The following CFAP52 variants were observed in gnomAD, a reference collection of about 807,000 sequenced individuals.
CFAP52 encodes the protein cilia and flagella associated protein 52.
In CFAP52, 57 loss-of-function variants were observed where a neutral mutation model predicts 70.5. The ratio of observed to expected loss-of-function variants is 0.81; its 90% CI spans 0.65 to 1.01. The LOEUF (loss-of-function observed/expected upper bound fraction) is 1.01, where lower values mean the gene tolerates loss of function less well. CFAP52 is among the 50% of genes least tolerant of loss of function. The pLI, the probability that CFAP52 is intolerant of heterozygous loss-of-function variation, is 0.00. For missense variants in CFAP52, 785 were observed against 788.5 expected, an observed-to-expected ratio of 1.00 and a Z score of 0.05; for synonymous variants, 267 against 292.5, an observed-to-expected ratio of 0.91 and a Z score of 0.89.
In CFAP52 at chr17:9,610,621, G is replaced by A. The variant is rs111592407; in HGVS notation, c.855-1688G>A. Among the ~76,000 whole-genome samples, 859 of 151,750 alleles carry A rather than the reference G, an allele frequency of 5.7e-3. 10 individuals carry two copies. The highest frequency in any genetic ancestry group is 0.019 in the African/African-American group (778 of 41,352). ...GCCATCTTGGCTCACTGCAACCTCC[G>A]CCTCCCGGGTTCAAGAGATTCTCCT... On this transcript the variant is annotated intron_variant, in intron 7 of 13. Transcript: ENST00000352665.
intron 6 of CFAP52, among the ~76,000 whole-genome samples, chr17:9,601,426 A>G (rs183348498): frequency 1.3e-5 from 2 of 152,136 alleles, no homozygotes; most frequent in Admixed American, 1.3e-4. Context: ...ATAAAATTTT[A>G]AAAAAAGTAC....
intron 3 of CFAP52, among the ~76,000 whole-genome samples, chr17:9,592,191 G>A (rs1228463957): frequency 6.6e-6 from 1 of 152,094 alleles, no homozygotes; most frequent in East Asian, 1.9e-4. Context: ...AGCCAGGCAC[G>A]GTGGCTCACG....
At chr17:9,585,387 G>T (rs1288914249) in intron 1 of CFAP52, among the ~76,000 whole-genome samples, 1 of 152,078 alleles carries the variant, frequency 6.6e-6, no homozygotes, top group Admixed American at 6.5e-5. Flanking sequence ...TTAAAGTGTT[G>T]GCCGGGCGCG....
In CFAP52 at chr17:9,641,794, A is replaced by G; in HGVS notation, c.1646A>G (p.Asn549Ser). The G allele has an allele frequency of 6.2e-7, 1 of 1,613,990 alleles. No individual in the cohort carries two copies. ...ELEGSLSGSI[N>S]GMDITQEGVH... is the part of the protein sequence containing the mutation. ...GAAGGTTCCCTGTCTGGGTCGATAA[A>G]TGGCATGGATATCACACAGGAAGGG... Residue 549 changes from asparagine to serine, a missense_variant, in exon 13 of 14, where the codon AAT (asparagine) becomes AGT (serine). Transcript: ENST00000352665.
chr17:9,636,864 G>A (rs1910827477), intron 11 of CFAP52, among the ~76,000 whole-genome samples: 1 of 152,108 alleles, frequency 6.6e-6, no homozygotes, highest in African/African-American at 2.4e-5. Context: ...GACCAACATG[G>A]TGAAAGCCCG....
At position 9,596,087 on chromosome 17, in the gene CFAP52, A is replaced by G. The variant is rs1310708606; in HGVS notation, c.536+1766A>G. ...TATATATATATATATATATATATAT[A>G]TATATATATATATATGTACACATAT... On this transcript the variant is annotated intron_variant, in intron 4 of 13. Transcript: ENST00000352665. Among the ~76,000 whole-genome samples the G allele has an allele frequency of 6.7e-4, 94 of 139,610 alleles. 1 individual carries two copies. The highest frequency in any genetic ancestry group is 1.8e-3 in the Admixed American group (25 of 13,610). The allele number at this position is 139,610 out of a possible 152,430, so 91.6% of individuals were successfully genotyped here. A position where few individuals can be genotyped will look rare whatever the true frequency, so the allele number is the denominator to read the frequency against.
rs1911166296 is a variant in CFAP52, at chr17:9,643,202, TGATGA to T, written c.*9_*13del. 1.3e-6 allele frequency: 2 copies of T among 1,599,114 alleles called. No individual in the cohort carries two copies. Among genetic ancestry groups the T allele is most frequent in the South Asian group, 2.3e-5 (2 of 87,924 alleles). The stretch of plus-strand genomic sequence containing the variant: ...GAAGTACCCATATACCTCCTGAAGC[TGATGA>T]GATGTCTCTGAGCCTTGGCGTTGCA... On this transcript the variant is annotated 3_prime_UTR_variant, in exon 14 of 14. Transcript: ENST00000352665.
chr17:9,590,191 C>A, intron 3 of CFAP52: 1 of 179,898 alleles, frequency 5.6e-6, no homozygotes, highest in East Asian at 1.4e-4. Flanking sequence ...GCGCAGAATC[C>A]TCATTCTCCT....
chr17:9,585,996 T>A, intron 2 of CFAP52, 24 bp downstream of exon 2: 1 of 1,611,722 alleles, frequency 6.2e-7, no homozygotes. Context: ...AAACGACTCA[T>A]TGTCAATTTA....
Position 9,632,908 on chromosome 17 carries a change from C to G in CFAP52, c.1195C>G (p.Arg399Gly), listed in dbSNP as rs374035006. ...GCCAGCATGGAACGACGGTAAAATC[C>G]GAGCCTTCGCCCCAGAGACAGGCCG... ...IISAWNDGKIRAFAPETGRLM... is the reference protein window; with the variant it reads ...IISAWNDGKIGAFAPETGRLM... Residue 399 changes from arginine to glycine, a missense_variant, in exon 10 of 14, where the codon CGA becomes GGA. By Grantham distance (125) the Arg-to-Gly change is moderately radical. Coordinates refer to ENST00000352665, the MANE Select transcript of CFAP52 (RefSeq NM_145054.5). 1 of 1,614,056 alleles carries G rather than the reference C, an allele frequency of 6.2e-7. No individual in the cohort carries two copies.
In CFAP52 at chr17:9,642,758, T is replaced by C. The variant is rs75736950; in HGVS notation, c.1688-265T>C. 6.7e-3 allele frequency among the ~76,000 whole-genome samples: 1,026 copies of C among 152,352 alleles called. 10 individuals are homozygous for C. Among genetic ancestry groups the C allele is most frequent in the African/African-American group, 0.023 (972 of 41,574 alleles). On this transcript the variant is annotated intron_variant, in intron 13 of 13. Transcript: ENST00000352665. ...TGATGTATATGTATACCAGTATACT[T>C]ATAGAGAAAAGACTGGAAGGAACTA...
chr17:9,635,424 G>C lies in CFAP52; in HGVS notation c.1340G>C (p.Gly447Ala). 6.2e-7 allele frequency: 1 copy of C among 1,614,132 alleles called. No homozygotes were observed. Among genetic ancestry groups the C allele is most frequent in the Non-Finnish European group, 8.5e-7 (1 of 1,180,038 alleles). Residue 447 changes from glycine (G) to alanine (A), a missense_variant, in exon 11 of 14, where the codon GGC (glycine) becomes GCC (alanine). Coordinates refer to ENST00000352665, the MANE Select transcript of CFAP52 (RefSeq NM_145054.5). ...GEGEVRVWQI[G>A]CQTQKLEEAL... is the part of the protein sequence containing the mutation. Reference sequence around the variant, plus strand: ...TTTCAGGTGAGGGTATGGCAGATAGGCTGTCAGACCCAGAAGCTGGAGGAG... The same window carrying C: ...TTTCAGGTGAGGGTATGGCAGATAGCCTGTCAGACCCAGAAGCTGGAGGAG...
At chr17:9,597,674 G>GACTA (rs1217741289) in intron 4 of CFAP52, 4 of 152,416 alleles carry the variant, frequency 2.6e-5, no homozygotes, top group African/African-American at 9.7e-5. Context: ...GTGGTGGCGG[G>GACTA]CACCTGTAGT....
At chr17:9,641,279 G>A (rs1360830711) in intron 12 of CFAP52, among the ~76,000 whole-genome samples, 2 of 152,128 alleles carry the variant, frequency 1.3e-5, no homozygotes, top group Non-Finnish European at 2.9e-5. Context: ...AAGAGGGAGG[G>A]CGCAGTCCCA....
downstream of CFAP52, among the ~76,000 whole-genome samples, chr17:9,644,417 A>G (rs377177350): frequency 5.9e-5 from 9 of 152,168 alleles, no homozygotes; most frequent in East Asian, 1.7e-3. Flanking sequence ...GATCAAGAAT[A>G]TTTAATAAAT....
At chr17:9,642,518 G>A (rs1014932536) in intron 13 of CFAP52, among the ~76,000 whole-genome samples, 1 of 152,160 alleles carries the variant, frequency 6.6e-6, no homozygotes, top group African/African-American at 2.4e-5. Context: ...CAGCTACTTG[G>A]GAGGCTGAGA....
At chr17:9,616,334 G>A (rs549733797) in intron 8 of CFAP52, among the ~76,000 whole-genome samples, 33 of 122,864 alleles carry the variant, frequency 2.7e-4, no homozygotes, top group African/African-American at 1.0e-3. Flanking sequence ...CCCACACCTG[G>A]CTCAGAGGGT....
chr17:9,604,543 C>T (rs895381848), intron 6 of CFAP52, among the ~76,000 whole-genome samples: 1 of 151,582 alleles, frequency 6.6e-6, no homozygotes, highest in African/African-American at 2.4e-5. Flanking sequence ...TGAGGCGGGC[C>T]GATCACCTGA....
At chr17:9,610,928 C>G (rs1909689971) in intron 7 of CFAP52, among the ~76,000 whole-genome samples, 1 of 152,158 alleles carries the variant, frequency 6.6e-6, no homozygotes, top group South Asian at 2.1e-4. Flanking sequence ...CATCTGTGGG[C>G]TAGCAACAGA....
Sources: gnomAD v4.1 joint callset for allele counts (sites outside exome capture counted in the v4.1 genomes callset) on GRCh38, gnomAD v4.1.1 for gene constraint, MANE v1.5 for transcripts, NCBI Gene and HGNC (gene_info 2026-07-23, HGNC 2026-07-21) for gene names.